Variants in PSME3 observed in about 807,000 individuals in gnomAD.
PSME3 encodes proteasome activator complex subunit 3.
In PSME3, 7 loss-of-function variants were observed where a neutral mutation model predicts 38.3. That is an observed-to-expected ratio of 0.18 (90% CI 0.10 to 0.34). PSME3 has a LOEUF of 0.34. Among genes scored for constraint, PSME3 ranks in the 10% least tolerant of loss-of-function variants. PSME3 has a pLI of 1.00. For missense variants in PSME3, 192 were observed against 307.6 expected (o/e 0.62, Z 2.81); for synonymous variants, 108 against 105.7 (o/e 1.02, Z -0.13).
Position 42,833,417 on chromosome 17 carries a change from C to A in PSME3, c.-215C>A. 1.6e-6 allele frequency: 1 copy of A among 608,402 alleles called. No individual in the cohort carries two copies. The highest frequency in any genetic ancestry group is 1.9e-5 in the African/African-American group (1 of 53,918). 37.7% of individuals were successfully genotyped at this position (608,402 alleles called of 1,614,324 possible). On this transcript the variant is annotated 5_prime_UTR_variant, in exon 1 of 11. Transcript: ENST00000590720. ...GTGACGCAGTTTCCGGCGTGAGCGG[C>A]GAAAGCCGGGAGGGCGAGCGAGAGA... is the stretch of plus-strand genomic sequence containing the variant.
At chr17:42,840,382 G>A (rs1455338526) in intron 10 of PSME3, among the ~76,000 whole-genome samples, 1 of 152,086 alleles carries the variant, frequency 6.6e-6, no homozygotes, top group Non-Finnish European at 1.5e-5. Context: ...GAGGCAGGTG[G>A]ATCACATGAG....
chr17:42,836,273 G>C (rs2055462683), intron 4 of PSME3, among the ~76,000 whole-genome samples: 1 of 152,044 alleles, frequency 6.6e-6, no homozygotes, highest in Non-Finnish European at 1.5e-5. Context: ...CCAAAGTGCT[G>C]GGATTACAGC....
At position 42,833,626 on chromosome 17, in the gene PSME3, C is replaced by T; in HGVS notation, c.-6C>T. ...TCCAGAGGATCGGACACGGCCCGGCCCGGCCATGGCCTCGTTGCTGAAGGT... is the reference window on the plus strand; with the variant it reads ...TCCAGAGGATCGGACACGGCCCGGCTCGGCCATGGCCTCGTTGCTGAAGGT... On this transcript the variant is annotated 5_prime_UTR_variant, in exon 1 of 11. Transcript: ENST00000590720. 1.2e-6 allele frequency: 2 copies of T among 1,614,234 alleles called. No individual in the cohort carries two copies. Among genetic ancestry groups the T allele is most frequent in the Admixed American group, 1.7e-5 (1 of 60,026 alleles).
chr17:42,835,019 ATAGT>A, intron 4 of PSME3, 143 bp downstream of exon 4: 2 of 1,155,278 alleles, frequency 1.7e-6, no homozygotes, highest in Non-Finnish European at 2.3e-6. Context: ...TGACTCTAGT[ATAGT>A]TCTTTTATTT....
rs1031268616 is a variant in PSME3, at chr17:42,833,679, G to T, written c.42+6G>T. On this transcript the variant is annotated splice_donor_region_variant and intron_variant, in intron 1 of 10. Transcript: ENST00000590720. ...ATCAGGAAGTGAAGCTCAAGGTAGC[G>T]GCACCGGTCCGGCCTTTTTGCCCCT... The T allele has an allele frequency of 8.1e-6, 13 of 1,614,068 alleles. No homozygotes were observed. Among genetic ancestry groups the T allele is most frequent in the Admixed American group, 5.0e-5 (3 of 60,002 alleles).
In PSME3 at chr17:42,837,630, T is replaced by A; in HGVS notation, c.244-19T>A. 1.9e-6 allele frequency: 3 copies of A among 1,613,942 alleles called. No homozygotes were observed. Among genetic ancestry groups the A allele is most frequent in the Non-Finnish European group, 2.5e-6 (3 of 1,179,790 alleles). ...TGGGTGTCAAAACTAGGCTCATCCC[T>A]GCCTCTTTGTATCCTTAGCCCACTT... On this transcript the variant is annotated intron_variant, in intron 4 of 10. Transcript: ENST00000590720.
chr17:42,840,500 C>T (rs1313029006), intron 10 of PSME3, among the ~76,000 whole-genome samples: 1 of 140,206 alleles, frequency 7.1e-6, no homozygotes, highest in Non-Finnish European at 1.6e-5. Flanking sequence ...CCCACCTAAT[C>T]GGGAGGCTGA....
At chr17:42,834,259 G>T in intron 1 of PSME3, 85 bp from the exon 2 acceptor site, 1 of 1,606,588 alleles carries the variant, frequency 6.2e-7, no homozygotes, top group South Asian at 1.1e-5. Context: ...GTTACAAGGT[G>T]AGGGAAAGAC....
At chr17:42,834,473 T>C in intron 2 of PSME3, 42 bp from the exon 3 acceptor site, 1 of 1,513,624 alleles carries the variant, frequency 6.6e-7, no homozygotes. Flanking sequence ...AGAGAGACCT[T>C]CCCACAGATA....
At position 42,843,424 on chromosome 17, in the gene PSME3, T is replaced by C. The variant is rs2055558585; in HGVS notation, c.*1846T>C. On this transcript the variant is annotated 3_prime_UTR_variant, in exon 11 of 11. Coordinates refer to ENST00000590720, the MANE Select transcript of PSME3 (RefSeq NM_005789.4). ...GAGGCTTCTGCCTACTGAGCAAGGT[T>C]GGGTGCTTCATTTGTGTTCAGTCTG... 6.6e-6 allele frequency: 1 copy of C among 152,368 alleles called. No homozygotes were observed. Among genetic ancestry groups the C allele is most frequent in the Non-Finnish European group, 1.5e-5 (1 of 68,034 alleles). The allele number at this position is 152,368 out of a possible 1,614,324, so 9.4% of individuals were successfully genotyped here. A position where few individuals can be genotyped will look rare whatever the true frequency, so the allele number is the denominator to read the frequency against.
In PSME3 at chr17:42,833,640, G is replaced by A. The variant is rs2055425508; in HGVS notation, c.9G>A (p.Ser3=). 4 of 1,614,224 alleles carry A rather than the reference G, an allele frequency of 2.5e-6. No homozygotes were observed. The highest frequency in any genetic ancestry group is 3.4e-6 in the Non-Finnish European group (4 of 1,180,040). The change falls in exon 1 of 11, where the codon TCG becomes TCA. Residue 3 remains serine (S), a synonymous_variant. Transcript: ENST00000590720. ...CACGGCCCGGCCCGGCCATGGCCTC[G>A]TTGCTGAAGGTGGATCAGGAAGTGA... MA[S]LLKVDQEVKL...
intron 10 of PSME3, among the ~76,000 whole-genome samples, chr17:42,840,014 A>T (rs941425680): frequency 3.7e-5 from 5 of 136,680 alleles, no homozygotes; most frequent in African/African-American, 1.1e-4. Flanking sequence ...AAATAAAAAT[A>T]GGCTGTAATC....
chr17:42,838,561 A>C, intron 6 of PSME3, 170 bp from the exon 7 acceptor site: 3 of 710,900 alleles, frequency 4.2e-6, no homozygotes, highest in Non-Finnish European at 7.0e-6. Context: ...CAGGTGATCC[A>C]CCCGCTTCGG....
rs1484129407 is a variant in PSME3, at chr17:42,842,192, G to C, written c.*614G>C. Reference sequence around the variant, plus strand: ...GCTCCTTCAGTTGTTTTTATAATGGGCGTTTTCACATGCACATATGTGTAT... The same window carrying C: ...GCTCCTTCAGTTGTTTTTATAATGGCCGTTTTCACATGCACATATGTGTAT... On this transcript the variant is annotated 3_prime_UTR_variant, in exon 11 of 11. Coordinates refer to ENST00000590720, the MANE Select transcript of PSME3 (RefSeq NM_005789.4). 6.6e-6 allele frequency: 1 copy of C among 152,362 alleles called. No individual in the cohort carries two copies. Among genetic ancestry groups the C allele is most frequent in the Admixed American group, 6.6e-5 (1 of 15,258 alleles). 9.4% of individuals were successfully genotyped at this position (152,362 alleles called of 1,614,324 possible).
chr17:42,835,919 A>G (rs950905328), intron 4 of PSME3, among the ~76,000 whole-genome samples: 10 of 152,030 alleles, frequency 6.6e-5, no homozygotes, highest in African/African-American at 1.7e-4. Flanking sequence ...TCCACATGCT[A>G]CTATAACACT....
At position 42,839,976 on chromosome 17, in the gene PSME3, A is replaced by G. The variant is rs368114923; in HGVS notation, c.684+596A>G. On this transcript the variant is annotated intron_variant, in intron 10 of 10. Coordinates refer to ENST00000590720, the MANE Select transcript of PSME3 (RefSeq NM_005789.4). ...GCTCCATTGCACTCCAGCCTGGGCAACAAGAGCGAAACTCCATCTCAAAAA... is the reference window on the plus strand; with the variant it reads ...GCTCCATTGCACTCCAGCCTGGGCAGCAAGAGCGAAACTCCATCTCAAAAA... Among the ~76,000 whole-genome samples the G allele has an allele frequency of 3.3e-5, 5 of 150,052 alleles. No individual in the cohort carries two copies. The South Asian group carries it at 8.4e-4, about 25-fold the overall frequency.
At chr17:42,841,367 G>C in intron 10 of PSME3, 131 bp from the exon 11 acceptor site, 1 of 432,004 alleles carries the variant, frequency 2.3e-6, no homozygotes, top group Non-Finnish European at 4.0e-6. Flanking sequence ...CAGTTGCTAA[G>C]AACCTATTGA....
intron 1 of PSME3, 126 bp downstream of exon 1, chr17:42,833,799 C>T: frequency 6.3e-7 from 1 of 1,589,102 alleles, no homozygotes; most frequent in Non-Finnish European, 8.6e-7. Flanking sequence ...CTCGGCTCAG[C>T]CCAGCCCCCA....
In PSME3 at chr17:42,834,258, T is replaced by C. The variant is rs746507915; in HGVS notation, c.43-86T>C. 40 of 1,605,406 alleles carry C rather than the reference T, an allele frequency of 2.5e-5. No individual in the cohort carries two copies. In the South Asian group the frequency reaches 4.4e-4, roughly 18 times the overall value. The stretch of plus-strand genomic sequence containing the variant: ...TCAGCTTCTTATTACAGTTACAAGG[T>C]GAGGGAAAGACAGTTGGATTGGGAT... On this transcript the variant is annotated intron_variant, in intron 1 of 10. Transcript: ENST00000590720.
Sources: gnomAD v4.1 joint callset for allele counts (sites outside exome capture counted in the v4.1 genomes callset) on GRCh38, gnomAD v4.1.1 for gene constraint, MANE v1.5 for transcripts, NCBI Gene and HGNC (gene_info 2026-07-23, HGNC 2026-07-21) for gene names.